LAMA3: variants seen among roughly 807,000 people sequenced by gnomAD.
LAMA3 encodes laminin subunit alpha-3.
In LAMA3, 281 loss-of-function variants were observed where a neutral mutation model predicts 402.0. The observed-to-expected ratio is 0.70, with a 90% CI of 0.63 to 0.77. LAMA3 has a LOEUF of 0.77. Among genes scored for constraint, LAMA3 ranks in the 30% least tolerant of loss-of-function variants. The pLI is 0.00. For synonymous variants in LAMA3, 1,431 were observed against 1,558.4 expected (o/e 0.92, Z 1.93); for missense variants, 3,840 against 4,215.5 (o/e 0.91, Z 2.47).
chr18:23,827,359 C>A lies in LAMA3; in HGVS notation c.2715C>A (p.Thr905=). ...TGCCAGTGACCAGATTCCCCTGTAC[C>A]CTGGCTTGTGAGGCCAGACACTTCC... ...QHLPVTRFPC[T]LACEARHFLL... is the part of the protein sequence containing the mutation. Residue 905 remains threonine (T), a synonymous_variant, in exon 23 of 75, where the codon ACC becomes ACA. Coordinates refer to ENST00000313654, the MANE Select transcript of LAMA3 (RefSeq NM_198129.4). 2.5e-6 allele frequency: 4 copies of A among 1,614,194 alleles called. No individual in the cohort carries two copies. Among genetic ancestry groups the A allele is most frequent in the Non-Finnish European group, 3.4e-6 (4 of 1,180,032 alleles).
At chr18:23,937,602 T>G (rs2082353805) in intron 67 of LAMA3, among the ~76,000 whole-genome samples, 1 of 152,046 alleles carries the variant, frequency 6.6e-6, no homozygotes, top group South Asian at 2.1e-4. Flanking sequence ...TTAAGGGACA[T>G]TTGGTGGCAA....
chr18:23,908,545 A>G (rs944730577), intron 54 of LAMA3, among the ~76,000 whole-genome samples: 2 of 150,962 alleles, frequency 1.3e-5, no homozygotes, highest in African/African-American at 4.9e-5. Flanking sequence ...AAAAAAAAAA[A>G]AAAAAAAGGA....
intron 8 of LAMA3, among the ~76,000 whole-genome samples, chr18:23,773,241 A>G (rs2062239931): frequency 6.6e-6 from 1 of 152,268 alleles, no homozygotes; most frequent in Admixed American, 6.5e-5. Context: ...GATCAAGGAT[A>G]AAGCCTGGGC....
chr18:23,778,369 A>G (rs992880208), intron 11 of LAMA3, among the ~76,000 whole-genome samples: 70 of 152,358 alleles, frequency 4.6e-4, no homozygotes, highest in Middle Eastern at 3.4e-3. Context: ...AGAAACCCAG[A>G]TAATAACATA....
intron 37 of LAMA3, among the ~76,000 whole-genome samples, chr18:23,870,277 T>G (rs1193883027): frequency 6.6e-6 from 1 of 151,948 alleles, no homozygotes; most frequent in East Asian, 1.9e-4. Context: ...CACTCCAGCC[T>G]GGGTGACAGA....
chr18:23,723,267 C>T (rs955312218), intron 2 of LAMA3, among the ~76,000 whole-genome samples: 1 of 152,152 alleles, frequency 6.6e-6, no homozygotes, highest in African/African-American at 2.4e-5. Flanking sequence ...GAGATAAATG[C>T]TCTAATGTCT....
At chr18:23,920,808 A>G (rs1399818318) in intron 60 of LAMA3, 127 bp from the exon 61 acceptor site, 2 of 1,089,608 alleles carry the variant, frequency 1.8e-6, no homozygotes, top group African/African-American at 3.1e-5. Flanking sequence ...CAGCACCATT[A>G]TCCCTTTTCA....
intron 6 of LAMA3, among the ~76,000 whole-genome samples, chr18:23,755,144 A>G (rs1256742330): frequency 2.0e-5 from 3 of 152,224 alleles, no homozygotes; most frequent in Non-Finnish European, 4.4e-5. Context: ...ATCAGGTCAC[A>G]TAAGTTCTGA....
At chr18:23,769,829 T>C (rs1017216294) in intron 8 of LAMA3, among the ~76,000 whole-genome samples, 11 of 152,126 alleles carry the variant, frequency 7.2e-5, no homozygotes, top group African/African-American at 2.4e-4. Context: ...GCAATAAGAA[T>C]GAATAAAAAA....
intron 32 of LAMA3, among the ~76,000 whole-genome samples, chr18:23,853,464 G>A (rs2063992279): frequency 6.6e-6 from 1 of 152,006 alleles, no homozygotes; most frequent in African/African-American, 2.4e-5. Context: ...GTAGAGATGG[G>A]GTTTCTCCAT....
intron 2 of LAMA3, among the ~76,000 whole-genome samples, chr18:23,725,715 T>C (rs931093839): frequency 3.3e-5 from 5 of 152,242 alleles, no homozygotes; most frequent in African/African-American, 1.2e-4. Flanking sequence ...GGCCAGGTTT[T>C]GTCTCCTCCA....
chr18:23,837,133 G>A (rs1476703842), intron 25 of LAMA3, 44 bp downstream of exon 25: 1 of 1,330,370 alleles, frequency 7.5e-7, no homozygotes, highest in South Asian at 1.2e-5. Flanking sequence ...GCATTTTGCT[G>A]ATATCTATAT....
rs200830040 is a variant in LAMA3 at position 23,871,559 on chromosome 18, C to A, written c.4896C>A (p.Ser1632Arg). ...CAGAGACTCAAAGGCTCACCCTGAG[C>A]GAGGTGGGGCTAGAGGAAGCCTCTG... ...YFTETQRLTL[S>R]EVGLEEASDT... is the part of the protein sequence containing the mutation. The change falls in exon 38 of 75, where the codon AGC becomes AGA. Residue 1632 changes from serine (S) to arginine (R), a missense_variant. Ser to Arg is a moderately radical substitution (Grantham distance 110, BLOSUM62 -1). This residue lies in a region of LAMA3 where 2,109 missense variants were observed against 2,376.0 expected (regional missense o/e 0.89). Transcript: ENST00000313654. 1.1e-5 allele frequency: 17 copies of A among 1,614,176 alleles called. No individual in the cohort carries two copies. Among genetic ancestry groups the A allele is most frequent in the Non-Finnish European group, 1.3e-5 (15 of 1,180,024 alleles).
At chr18:23,725,683 G>A (rs1019534379) in intron 2 of LAMA3, among the ~76,000 whole-genome samples, 1 of 152,186 alleles carries the variant, frequency 6.6e-6, no homozygotes, top group African/African-American at 2.4e-5. Context: ...CAGGACTTGC[G>A]CAGCTCACTC....
At chr18:23,905,733 A>G in intron 52 of LAMA3, 109 bp downstream of exon 52, 2 of 648,916 alleles carry the variant, frequency 3.1e-6, no homozygotes, top group Non-Finnish European at 2.8e-6. Context: ...CTCAGTGTCA[A>G]TGCAGATGAT....
intron 60 of LAMA3, among the ~76,000 whole-genome samples, chr18:23,917,460 G>T (rs1172714120): frequency 6.6e-6 from 1 of 152,168 alleles, no homozygotes; most frequent in Non-Finnish European, 1.5e-5. Flanking sequence ...CACAGTGATT[G>T]AACTAATTTA....
In LAMA3 at chr18:23,898,757, G is replaced by T; in HGVS notation, c.5633G>T (p.Arg1878Leu). The change falls in exon 45 of 75, where the codon CGT becomes CTT. Residue 1878 changes from arginine to leucine, a missense_variant. Transcript: ENST00000313654. ...KDLRNQLLNY[R>L]SAISNHGSKI... The stretch of plus-strand genomic sequence containing the variant: ...TTCCAGAATCAGTTGCTCAACTACC[G>T]TTCTGCCATTTCAAATCATGGATCA... 6.2e-7 allele frequency: 1 copy of T among 1,603,768 alleles called. No homozygotes were observed. Among genetic ancestry groups the T allele is most frequent in the South Asian group, 1.1e-5 (1 of 90,866 alleles).
At position 23,904,024 on chromosome 18, in the gene LAMA3, C is replaced by A; in HGVS notation, c.6410C>A (p.Ser2137Tyr). 1 of 1,614,144 alleles carries A rather than the reference C, an allele frequency of 6.2e-7. No homozygotes were observed. Among genetic ancestry groups the A allele is most frequent in the Middle Eastern group, 1.7e-4 (1 of 6,012 alleles). Residue 2137 changes from serine to tyrosine, a missense_variant, in exon 50 of 75, where the codon TCC becomes TAC. Physicochemically the swap from Ser to Tyr is moderately radical, Grantham distance 144. Transcript: ENST00000313654. ...CTTTCCAGATCTGCTGGCAAAACAT[C>A]CCTTGTGGAGGAGGCAGAAAAGCAC... The part of the protein sequence containing the change: ...RELSRSAGKT[S>Y]LVEEAEKHAR...
intron 67 of LAMA3, among the ~76,000 whole-genome samples, chr18:23,937,371 C>CAA (rs58274189): frequency 9.7e-5 from 9 of 92,916 alleles, no homozygotes; most frequent in African/African-American, 3.6e-4. Context: ...TTCTCAAAAG[C>CAA]AAAAAAAAAA....
Sources: gnomAD v4.1 joint callset for allele counts (sites outside exome capture counted in the v4.1 genomes callset) on GRCh38, gnomAD v4.1.1 for gene constraint, gnomAD v4.1.1 regional missense constraint, MANE v1.5 for transcripts, NCBI Gene and HGNC (gene_info 2026-07-23, HGNC 2026-07-21) for gene names.